Variants in LPP observed in about 807,000 individuals in gnomAD.
LPP encodes LIM domain containing preferred translocation partner in lipoma.
In LPP, 38 loss-of-function variants were observed where a neutral mutation model predicts 60.4. The ratio of observed to expected loss-of-function variants is 0.63; its 90% CI spans 0.49 to 0.83. The LOEUF (loss-of-function observed/expected upper bound fraction) is 0.83, where lower values mean the gene tolerates loss of function less well. Ranked by LOEUF, LPP falls within the 40% of genes least tolerant of loss-of-function variation. LPP has a pLI of 0.00. For synonymous variants in LPP, 328 were observed against 290.8 expected (o/e 1.13, Z -1.30); for missense variants, 902 against 783.6 (o/e 1.15, Z -1.80).
chr3:188,608,802 C>G (rs1443088806), intron 6 of LPP, among the ~76,000 whole-genome samples: 1 of 152,126 alleles, frequency 6.6e-6, no homozygotes, highest in Non-Finnish European at 1.5e-5. Context: ...AACCTATGAA[C>G]ACAGATGTTT....
chr3:188,553,954 C>A (rs893249455), intron 6 of LPP: 1 of 152,136 alleles, frequency 6.6e-6, no homozygotes, highest in Non-Finnish European at 1.5e-5. Context: ...TGCAGAATAG[C>A]AAACTGGCTT....
chr3:188,686,646 A>G (rs1860796577), intron 7 of LPP, among the ~76,000 whole-genome samples: 1 of 152,198 alleles, frequency 6.6e-6, no homozygotes. Flanking sequence ...GGGTAGAGTC[A>G]CTGTTATGCT....
intron 6 of LPP, among the ~76,000 whole-genome samples, chr3:188,586,062 A>G (rs1192603458): frequency 6.6e-6 from 1 of 152,248 alleles, no homozygotes; most frequent in African/African-American, 2.4e-5. Flanking sequence ...TTAAATTGCT[A>G]CCAGATACAT....
intron 5 of LPP, among the ~76,000 whole-genome samples, chr3:188,522,813 A>ATG (rs1348915576): frequency 1.5e-5 from 2 of 129,336 alleles, no homozygotes; most frequent in African/African-American, 5.8e-5. Flanking sequence ...ATATATATAT[A>ATG]TATGTGTATG....
chr3:188,776,150 A>C (rs758597621), intron 9 of LPP, among the ~76,000 whole-genome samples: 16 of 152,226 alleles, frequency 1.1e-4, no homozygotes, highest in Non-Finnish European at 1.9e-4. Context: ...AACACAAGGC[A>C]AAGTAATCCA....
intron 9 of LPP, among the ~76,000 whole-genome samples, chr3:188,796,863 G>T (rs2151092873): frequency 6.6e-6 from 1 of 152,126 alleles, no homozygotes; most frequent in South Asian, 2.1e-4. Flanking sequence ...TTTCTACACA[G>T]ACCCCATTGC....
At chr3:188,394,427 G>A (rs753285093) in intron 3 of LPP, among the ~76,000 whole-genome samples, 17 of 152,114 alleles carry the variant, frequency 1.1e-4, no homozygotes, top group Non-Finnish European at 2.1e-4. Context: ...CAGATGGTGG[G>A]TAAGCTTCAT....
chr3:188,274,929 C>T (rs974483850), intron 2 of LPP, among the ~76,000 whole-genome samples: 2 of 152,166 alleles, frequency 1.3e-5, no homozygotes, highest in Non-Finnish European at 1.5e-5. Flanking sequence ...TTCCAATTAT[C>T]GTTAGGAGTC....
At chr3:188,542,263 T>G (rs532081915) in intron 6 of LPP, among the ~76,000 whole-genome samples, 4 of 152,296 alleles carry the variant, frequency 2.6e-5, no homozygotes, top group African/African-American at 9.6e-5. Context: ...AAATGACACA[T>G]TGTACATTAA....
chr3:188,648,453 GA>G (rs1180334528), intron 7 of LPP, among the ~76,000 whole-genome samples: 1 of 152,106 alleles, frequency 6.6e-6, no homozygotes, highest in African/African-American at 2.4e-5. Context: ...TTCAGACAAT[GA>G]ATACTCATCA....
At chr3:188,641,681 G>GT (rs1301260555) in intron 7 of LPP, among the ~76,000 whole-genome samples, 1 of 152,216 alleles carries the variant, frequency 6.6e-6, no homozygotes, top group Non-Finnish European at 1.5e-5. Flanking sequence ...CAGCAGCACT[G>GT]TGAGGACTCA....
chr3:188,186,388 G>A (rs1489471398), intron 1 of LPP, among the ~76,000 whole-genome samples: 2 of 152,128 alleles, frequency 1.3e-5, no homozygotes, highest in Non-Finnish European at 2.9e-5. Flanking sequence ...AAAGAGCTTG[G>A]GTAGAGAAGG....
chr3:188,179,649 A>C (rs1577137450), intron 1 of LPP: 1 of 372,958 alleles, frequency 2.7e-6, no homozygotes, highest in African/African-American at 2.1e-5. Flanking sequence ...CCAGCCGTGG[A>C]GTGAGCTTCA....
chr3:188,412,051 A>G (rs1277689396), intron 4 of LPP, among the ~76,000 whole-genome samples: 2 of 152,084 alleles, frequency 1.3e-5, no homozygotes, highest in Non-Finnish European at 1.5e-5. Context: ...TAAAATAGAT[A>G]ATCATTTGGA....
intron 3 of LPP, among the ~76,000 whole-genome samples, chr3:188,345,108 C>A (rs1763979596): frequency 6.6e-6 from 1 of 152,164 alleles, no homozygotes; most frequent in Admixed American, 6.5e-5. Flanking sequence ...TTTGACTGAT[C>A]TTGGACTAGA....
At chr3:188,694,651 G>A (rs575517674) in intron 7 of LPP, among the ~76,000 whole-genome samples, 3 of 151,014 alleles carry the variant, frequency 2.0e-5, no homozygotes, top group African/African-American at 7.3e-5. Flanking sequence ...GCGGTGAGCC[G>A]AGATGTTGCC....
intron 1 of LPP, among the ~76,000 whole-genome samples, chr3:188,221,733 T>C (rs1168792655): frequency 1.3e-5 from 2 of 152,206 alleles, no homozygotes; most frequent in African/African-American, 4.8e-5. Flanking sequence ...AAGAATATAA[T>C]AGCAAGGTAG....
intron 2 of LPP, among the ~76,000 whole-genome samples, chr3:188,287,589 T>C (rs905238039): frequency 6.6e-6 from 1 of 152,162 alleles, no homozygotes; most frequent in East Asian, 1.9e-4. Context: ...CCTTCCCTTT[T>C]TCGGGGGACT....
intron 4 of LPP, among the ~76,000 whole-genome samples, chr3:188,434,761 A>G (rs1791887728): frequency 1.3e-5 from 2 of 152,086 alleles, no homozygotes; most frequent in Non-Finnish European, 1.5e-5. Flanking sequence ...TCCTTTTCTC[A>G]CTCTGAGCCT....
Sources: allele counts gnomAD v4.1 joint callset (sites outside exome capture counted in the v4.1 genomes callset), GRCh38; gene constraint gnomAD v4.1.1; transcripts MANE v1.5; gene names NCBI Gene and HGNC (gene_info 2026-07-23, HGNC 2026-07-21).